TRAK1: variants seen among roughly 807,000 people sequenced by gnomAD.
The protein encoded by TRAK1 is trafficking kinesin-binding protein 1.
TRAK1 carries 33 observed loss-of-function variants against 92.1 expected under a neutral mutation model. The observed-to-expected ratio is 0.36, with a 90% CI of 0.27 to 0.48. The LOEUF (loss-of-function observed/expected upper bound fraction) is 0.48, where lower values mean the gene tolerates loss of function less well. Among genes scored for constraint, TRAK1 ranks in the 20% least tolerant of loss-of-function variants. The probability of loss-of-function intolerance (pLI) is 0.99; values close to 1 mark genes in which losing one functional copy is unlikely to be tolerated. For missense variants in TRAK1, 1,123 were observed against 1,257.9 expected (o/e 0.89, Z 1.62); for synonymous variants, 521 against 517.3 (o/e 1.01, Z -0.10).
chr3:42,127,477 T>C (rs1710736588), intron 2 of TRAK1, among the ~76,000 whole-genome samples: 1 of 151,852 alleles, frequency 6.6e-6, no homozygotes, highest in Non-Finnish European at 1.5e-5. Context: ...CTTAGCTTCC[T>C]GAGTAGCTAG....
intron 2 of TRAK1, among the ~76,000 whole-genome samples, chr3:42,138,924 T>TGTGTGTGTG (rs1491483442): frequency 7.1e-4 from 92 of 129,314 alleles, no homozygotes; most frequent in South Asian, 2.4e-3. Flanking sequence ...TGTGTGTGTG[T>TGTGTGTGTG]TTGGAGGAGG....
intron 14 of TRAK1, chr3:42,210,208 C>T: frequency 6.4e-7 from 1 of 1,552,288 alleles, no homozygotes; most frequent in Non-Finnish European, 8.7e-7. Context: ...GTTCCAGGCA[C>T]CATCCGTAGT....
intron 2 of TRAK1, among the ~76,000 whole-genome samples, chr3:42,157,510 GGAC>G (rs1700702801): frequency 7.1e-6 from 1 of 141,066 alleles, no homozygotes; most frequent in Non-Finnish European, 1.5e-5. Context: ...GGCAGTAGTG[GGAC>G]CGCTCCACAG....
intron 2 of TRAK1, among the ~76,000 whole-genome samples, chr3:42,128,539 C>G (rs1282954935): frequency 1.3e-5 from 2 of 152,198 alleles, no homozygotes; most frequent in African/African-American, 4.8e-5. Flanking sequence ...CCTGCTACCC[C>G]TAAAGGGTCT....
chr3:42,066,484 C>G (rs1407893468), intron 1 of TRAK1, among the ~76,000 whole-genome samples: 1 of 149,556 alleles, frequency 6.7e-6, no homozygotes, highest in African/African-American at 2.5e-5. Flanking sequence ...CATCGACCCC[C>G]ACCCCCACCC....
intron 1 of TRAK1, among the ~76,000 whole-genome samples, chr3:42,108,109 T>C (rs920584335): frequency 3.3e-5 from 5 of 152,122 alleles, no homozygotes; most frequent in Non-Finnish European, 7.3e-5. Context: ...ATGTAGTTTT[T>C]CCATGGGGCT....
At chr3:42,045,489 C>A (rs1702717851) in intron 1 of TRAK1, among the ~76,000 whole-genome samples, 2 of 152,170 alleles carry the variant, frequency 1.3e-5, no homozygotes, top group East Asian at 3.8e-4. Flanking sequence ...GAGCCCAGAT[C>A]ATGCCACTAC....
chr3:42,162,873 A>G (rs1701424729), intron 2 of TRAK1, among the ~76,000 whole-genome samples: 1 of 152,090 alleles, frequency 6.6e-6, no homozygotes, highest in African/African-American at 2.4e-5. Flanking sequence ...TTCGTTAGAA[A>G]TTTTCTTTTC....
intron 2 of TRAK1, among the ~76,000 whole-genome samples, chr3:42,161,403 G>A (rs373059067): frequency 6.6e-6 from 1 of 151,990 alleles, no homozygotes; most frequent in Admixed American, 6.6e-5. Flanking sequence ...TTGGGACGGG[G>A]TCTCACTCTG....
chr3:42,170,184 T>C (rs1355122081), intron 2 of TRAK1, among the ~76,000 whole-genome samples: 1 of 152,162 alleles, frequency 6.6e-6, no homozygotes, highest in African/African-American at 2.4e-5. Flanking sequence ...CTGGGGAAGA[T>C]TATTAAGCAG....
chr3:42,064,183 A>G (rs4974016), intron 1 of TRAK1, among the ~76,000 whole-genome samples: 98,548 of 151,916 alleles, frequency 0.65, 32,938 homozygotes, highest in South Asian at 0.83. Flanking sequence ...GCTCGCAGCC[A>G]GGCGGGCGCT....
chr3:42,038,809 T>G (rs1702426058), intron 1 of TRAK1, among the ~76,000 whole-genome samples: 1 of 145,930 alleles, frequency 6.9e-6, no homozygotes. Flanking sequence ...AAAAGTTTTT[T>G]TTTTTTTTTT....
chr3:42,100,460 T>G (rs555849709), intron 1 of TRAK1, among the ~76,000 whole-genome samples: 1 of 152,344 alleles, frequency 6.6e-6, no homozygotes, highest in Non-Finnish European at 1.5e-5. Context: ...TCTCCTGCCT[T>G]GTTCCATCTA....
chr3:42,023,447 G>A (rs144264932), intron 1 of TRAK1, among the ~76,000 whole-genome samples: 3 of 152,258 alleles, frequency 2.0e-5, no homozygotes, highest in Non-Finnish European at 4.4e-5. Context: ...TTTGGTAAAC[G>A]TGTCCTAGGC....
At chr3:42,203,374 T>A (rs1707919220) in intron 13 of TRAK1, 2 of 985,980 alleles carry the variant, frequency 2.0e-6, no homozygotes, top group African/African-American at 3.5e-5. Context: ...GTGAGTTTTG[T>A]ACCTCCGTAA....
At chr3:42,194,482 T>C (rs1413262115) in intron 9 of TRAK1, among the ~76,000 whole-genome samples, 3 of 152,080 alleles carry the variant, frequency 2.0e-5, no homozygotes, top group African/African-American at 7.2e-5. Context: ...GCAAACTGCC[T>C]GCCTTGCCCT....
At chr3:42,201,309 A>T (rs930216310) in intron 12 of TRAK1, among the ~76,000 whole-genome samples, 1 of 152,134 alleles carries the variant, frequency 6.6e-6, no homozygotes, top group Non-Finnish European at 1.5e-5. Flanking sequence ...ACATACAAAA[A>T]ATTAGCTGGG....
At chr3:42,171,855 A>G (rs573012527) in intron 2 of TRAK1, among the ~76,000 whole-genome samples, 4 of 152,270 alleles carry the variant, frequency 2.6e-5, no homozygotes, top group African/African-American at 9.6e-5. Context: ...ATGCTGGAAG[A>G]TGGGTGCCAA....
chr3:42,191,777 A>C, intron 7 of TRAK1, 141 bp downstream of exon 7: 1 of 755,904 alleles, frequency 1.3e-6, no homozygotes, highest in Non-Finnish European at 2.1e-6. Context: ...GGCCTCCCCA[A>C]CCTTGTGTGG....
Sources: gnomAD v4.1 joint callset for allele counts (sites outside exome capture counted in the v4.1 genomes callset) on GRCh38, gnomAD v4.1.1 for gene constraint, MANE v1.5 for transcripts, NCBI Gene and HGNC (gene_info 2026-07-23, HGNC 2026-07-21) for gene names.